The following RIF1 variants were observed in gnomAD, a reference collection of about 807,000 sequenced individuals.
The protein encoded by RIF1 is telomere-associated protein RIF1.
In RIF1, 45 loss-of-function variants were observed where a neutral mutation model predicts 247.1. That is an observed-to-expected ratio of 0.18 (90% CI 0.14 to 0.23). The LOEUF (loss-of-function observed/expected upper bound fraction) is 0.23. Among genes scored for constraint, RIF1 ranks in the 10% least tolerant of loss-of-function variants. The pLI is 1.00. For missense variants in RIF1, 2,967 were observed against 2,862.5 expected (o/e 1.04, Z -0.83); for synonymous variants, 1,087 against 978.8 (o/e 1.11, Z -2.06).
In RIF1 at chr2:151,475,048, C is replaced by T; in HGVS notation, c.7396C>T (p.Pro2466Ser). The stretch of plus-strand genomic sequence containing the variant: ...AAATCTACAGTCACGTTGGAGATCA[C>T]CATCCCATGAAAATTCTATTTAGTA... ...IKNLQSRWRS[P>S]SHENSI Residue 2466 changes from proline (P) to serine (S), a missense_variant, in exon 36 of 36, where the codon CCA becomes TCA. Pro to Ser is a moderately conservative substitution (Grantham distance 74, BLOSUM62 -1). Around this residue, in one of 7 missense-constraint regions of RIF1, gnomAD observed 151 missense variants for 163.4 expected, o/e 0.92. Coordinates refer to ENST00000444746, the MANE Select transcript of RIF1 (RefSeq NM_018151.5). 6.2e-7 allele frequency: 1 copy of T among 1,610,912 alleles called. No individual in the cohort carries two copies. The highest frequency in any genetic ancestry group is 1.1e-5 in the South Asian group (1 of 90,976).
chr2:151,447,164 C>T (rs1334775125), intron 20 of RIF1, among the ~76,000 whole-genome samples: 2 of 151,822 alleles, frequency 1.3e-5, no homozygotes, highest in African/African-American at 2.4e-5. Context: ...AGGATGGTCT[C>T]GATCTCCTGA....
the RIF1 span, among the ~76,000 whole-genome samples, chr2:151,529,749 G>A: frequency 6.6e-6 from 1 of 152,212 alleles, no homozygotes; most frequent in African/African-American, 2.4e-5. Flanking sequence ...GGCTGGTCTC[G>A]AACTCGTGAC....
intron 8 of RIF1, among the ~76,000 whole-genome samples, chr2:151,426,669 T>G (rs1689154173): frequency 6.6e-6 from 1 of 151,696 alleles, no homozygotes; most frequent in Non-Finnish European, 1.5e-5. Context: ...GTTTTTTTTT[T>G]GTTTTTTTTT....
At chr2:151,416,771 CT>C (rs1050796118) in intron 5 of RIF1, 35 bp from the exon 6 acceptor site, 10 of 1,601,240 alleles carry the variant, frequency 6.2e-6, no homozygotes, top group Non-Finnish European at 8.5e-6. Flanking sequence ...ACAGTTCAGG[CT>C]TATTTCATTT....
At chr2:151,513,241 T>A in the RIF1 span, among the ~76,000 whole-genome samples, 2 of 152,160 alleles carry the variant, frequency 1.3e-5, no homozygotes, top group African/African-American at 4.8e-5. Context: ...TCCCAAGATA[T>A]TCTAAGCAAG....
At chr2:151,462,378 A>G in intron 28 of RIF1, 34 bp from the exon 29 acceptor site, 1 of 1,458,380 alleles carries the variant, frequency 6.9e-7, no homozygotes, top group Non-Finnish European at 9.3e-7. Flanking sequence ...TCAAATAATT[A>G]TAAAAATAAT....
At chr2:151,462,678 A>G in intron 29 of RIF1, among the ~76,000 whole-genome samples, 1 of 152,066 alleles carries the variant, frequency 6.6e-6, no homozygotes, top group South Asian at 2.1e-4. Context: ...TATAAAATAA[A>G]TGTACTTGGC....
chr2:151,445,832 C>T (rs932970378), intron 19 of RIF1, among the ~76,000 whole-genome samples: 4 of 152,058 alleles, frequency 2.6e-5, no homozygotes, highest in African/African-American at 9.7e-5. Context: ...AGCCACTGTG[C>T]CCAGCCCACA....
chr2:151,499,225 T>G, intron 10 of RIF1: 1 of 814,632 alleles, frequency 1.2e-6, no homozygotes, highest in Non-Finnish European at 1.9e-6. Context: ...GTTGATTAGA[T>G]TTTTAAAATC....
Position 151,418,113 on chromosome 2 carries a change from A to G in RIF1, c.503+1212A>G, listed in dbSNP as rs150542817. ...ATGAGGGAATGTGAAGGTCTAGGACATTACTGTGCACTATTGCAGATTTCA... is the reference window on the plus strand; with the variant it reads ...ATGAGGGAATGTGAAGGTCTAGGACGTTACTGTGCACTATTGCAGATTTCA... On this transcript the variant is annotated intron_variant, in intron 6 of 35. Coordinates refer to ENST00000444746, the MANE Select transcript of RIF1 (RefSeq NM_018151.5). Among the ~76,000 whole-genome samples, 353 of 152,340 alleles carry G rather than the reference A, an allele frequency of 2.3e-3. 9 individuals are homozygous for G. In the East Asian group the frequency reaches 0.045, roughly 20 times the overall value.
At chr2:151,469,578 T>C (rs565851690) in intron 33 of RIF1, 133 bp from the exon 34 acceptor site, 126 of 604,734 alleles carry the variant, frequency 2.1e-4, no homozygotes, top group Middle Eastern at 4.9e-4. Flanking sequence ...TACACATACA[T>C]GTGCCTGTCT....
At chr2:151,438,598 TGTAAG>T in intron 13 of RIF1, 81 bp from the exon 14 acceptor site, 1 of 824,428 alleles carries the variant, frequency 1.2e-6, no homozygotes, top group Middle Eastern at 2.3e-4. Flanking sequence ...ATTTGTTTAA[TGTAAG>T]GAAGTAAAGG....
intron 15 of RIF1, among the ~76,000 whole-genome samples, chr2:151,440,670 C>T (rs999321754): frequency 6.6e-6 from 1 of 152,154 alleles, no homozygotes; most frequent in South Asian, 2.1e-4. Flanking sequence ...TTGATAGTTA[C>T]TTGTTCTGTA....
In RIF1 at chr2:151,455,690, C is replaced by T. The variant is rs575463971; in HGVS notation, c.2609+531C>T. Among the ~76,000 whole-genome samples the T allele has an allele frequency of 3.3e-5, 5 of 152,174 alleles. No homozygotes were observed. In the South Asian group the frequency reaches 1.0e-3, roughly 32 times the overall value. On this transcript the variant is annotated intron_variant, in intron 22 of 35. Coordinates refer to ENST00000444746, the MANE Select transcript of RIF1 (RefSeq NM_018151.5). ...TGGGAGGATGTGTGTAGGTTACATG[C>T]AAATACAATTTGTTTTATATTAGAG...
At chr2:151,410,794 T>C (rs1402181660) in intron 2 of RIF1, among the ~76,000 whole-genome samples, 1 of 152,022 alleles carries the variant, frequency 6.6e-6, no homozygotes, top group Non-Finnish European at 1.5e-5. Flanking sequence ...AAAGTTTCGG[T>C]TGGAAGTAGT....
chr2:151,523,314 C>T, the RIF1 span, among the ~76,000 whole-genome samples: 1 of 152,190 alleles, frequency 6.6e-6, no homozygotes, highest in African/African-American at 2.4e-5. Flanking sequence ...CATCAGTCAT[C>T]TGACCCTCTT....
the RIF1 span, chr2:151,514,490 A>G: frequency 7.7e-7 from 1 of 1,301,210 alleles, no homozygotes; most frequent in African/African-American, 1.5e-5. Context: ...CTCTCAGGCA[A>G]AGAAGAAAAT....
intron 11 of RIF1, chr2:151,501,247 T>A (rs1200679559): frequency 1.9e-6 from 1 of 538,588 alleles, no homozygotes; most frequent in African/African-American, 1.9e-5. Flanking sequence ...GAGTAGGAGA[T>A]CTGGAAAACA....
intron 15 of RIF1, 112 bp from the exon 16 acceptor site, chr2:151,441,793 A>G: frequency 2.0e-6 from 1 of 496,476 alleles, no homozygotes; most frequent in South Asian, 2.6e-5. Flanking sequence ...GATTATATTT[A>G]CGTTAATGAA....
Sources: allele counts gnomAD v4.1 joint callset (sites outside exome capture counted in the v4.1 genomes callset), GRCh38; gene constraint gnomAD v4.1.1; regional missense constraint gnomAD v4.1.1; transcripts MANE v1.5; gene names NCBI Gene and HGNC (gene_info 2026-07-23, HGNC 2026-07-21).